MAL: variants seen among roughly 807,000 people sequenced by gnomAD.
MAL encodes myelin and lymphocyte protein.
Under a neutral mutation model 16.7 loss-of-function variants are expected in MAL, and 5 were observed. That is an observed-to-expected ratio of 0.30 (90% CI 0.16 to 0.63). MAL has a LOEUF of 0.63. Ranked by LOEUF, MAL falls within the 30% of genes least tolerant of loss-of-function variation. MAL has a pLI of 0.82. For synonymous variants in MAL, 96 were observed against 85.5 expected, an observed-to-expected ratio of 1.12 and a Z score of -0.67; for missense variants, 202 against 195.8, an observed-to-expected ratio of 1.03 and a Z score of -0.19.
At chr2:95,031,499 A>G (rs949051334) in intron 1 of MAL, among the ~76,000 whole-genome samples, 12 of 152,200 alleles carry the variant, frequency 7.9e-5, no homozygotes, top group Admixed American at 5.9e-4. Context: ...GGACATCTCG[A>G]GGCCAGGCCA....
chr2:95,053,318 T>C, intron 3 of MAL, 63 bp from the exon 4 acceptor site: 1 of 1,136,508 alleles, frequency 8.8e-7, no homozygotes, highest in Non-Finnish European at 1.3e-6. Flanking sequence ...CTGGATGCAG[T>C]GCAGACGCTG....
chr2:95,044,775 C>T (rs1322486907), intron 1 of MAL: 9 of 152,264 alleles, frequency 5.9e-5, no homozygotes, highest in African/African-American at 1.7e-4. Flanking sequence ...CAAGGCCCTC[C>T]GCGCAGCTGC....
intron 1 of MAL, among the ~76,000 whole-genome samples, chr2:95,038,448 C>CTGAGTGAGTGACTGAGTGGG (rs1674316141): frequency 3.5e-5 from 3 of 86,320 alleles, no homozygotes; most frequent in African/African-American, 9.3e-5. Context: ...GAGTGAGTGA[C>CTGAGTGAGTGACTGAGTGGG]TGAGTGAGTG....
Position 95,036,428 on chromosome 2 carries a change from A to G in MAL, c.93+10543A>G, listed in dbSNP as rs574281873. On this transcript the variant is annotated intron_variant, in intron 1 of 3. Coordinates refer to ENST00000309988, the MANE Select transcript of MAL (RefSeq NM_002371.4). ...ACACTGACACTTTCACCAGGCCTGA[A>G]TCCACCCTTGGTGGACCCAGAACTG... Among the ~76,000 whole-genome samples, 13 of 152,308 alleles carry G rather than the reference A, an allele frequency of 8.5e-5. No individual in the cohort carries two copies. In the East Asian group the frequency reaches 2.5e-3, roughly 29 times the overall value.
intron 1 of MAL, among the ~76,000 whole-genome samples, chr2:95,028,304 C>G (rs1673996448): frequency 6.6e-6 from 1 of 151,782 alleles, no homozygotes; most frequent in Non-Finnish European, 1.5e-5. Context: ...GCCTGGGCAA[C>G]AGAGTGAGAC....
At chr2:95,029,964 A>T (rs1674036076) in intron 1 of MAL, among the ~76,000 whole-genome samples, 1 of 152,174 alleles carries the variant, frequency 6.6e-6, no homozygotes, top group South Asian at 2.1e-4. Context: ...ATTATTTTTT[A>T]AATCTGTAGT....
intron 1 of MAL, among the ~76,000 whole-genome samples, chr2:95,027,356 CT>C (rs1231664151): frequency 6.6e-6 from 1 of 152,200 alleles, no homozygotes; most frequent in Non-Finnish European, 1.5e-5. Flanking sequence ...TCCAGCGTGG[CT>C]TTGTGGCCTG....
At chr2:95,028,564 T>C (rs1674005025) in intron 1 of MAL, among the ~76,000 whole-genome samples, 2 of 152,172 alleles carry the variant, frequency 1.3e-5, no homozygotes, top group Non-Finnish European at 2.9e-5. Flanking sequence ...ATTCCACTCC[T>C]GGGTATATAA....
chr2:95,031,616 C>G (rs75667162), intron 1 of MAL, among the ~76,000 whole-genome samples: 1 of 152,306 alleles, frequency 6.6e-6, no homozygotes, highest in African/African-American at 2.4e-5. Flanking sequence ...GACCAGGGAC[C>G]TCCTCTGTTC....
Position 95,048,082 on chromosome 2 carries a change from T to A in MAL, c.217T>A (p.Tyr73Asn). The A allele has an allele frequency of 6.2e-7, 1 of 1,613,752 alleles. No individual in the cohort carries two copies. Among genetic ancestry groups the A allele is most frequent in the Middle Eastern group, 1.7e-4 (1 of 6,058 alleles). ...GGCCACCACCACCTTGATCATCCTG[T>A]ACATAATTGGAGCCCACGGTGGAGA... Reference protein sequence around the residue: ...FVATTTLIILYIIGAHGGETS... With the variant: ...FVATTTLIILNIIGAHGGETS... Residue 73 changes from tyrosine to asparagine, a missense_variant, in exon 2 of 4, where the codon TAC (tyrosine) becomes AAC (asparagine). By Grantham distance (143) the Tyr-to-Asn change is moderately radical. Coordinates refer to ENST00000309988, the MANE Select transcript of MAL (RefSeq NM_002371.4).
rs770848870 is a variant in MAL, at chr2:95,048,123, C to G, written c.258C>G (p.Thr86=). 1 of 1,611,746 alleles carries G rather than the reference C, an allele frequency of 6.2e-7. No homozygotes were observed. Among genetic ancestry groups the G allele is most frequent in the South Asian group, 1.1e-5 (1 of 91,032 alleles). ...GAHGGETSWV[T]LDAAYHCTAA... The stretch of plus-strand genomic sequence containing the variant: ...ACGGTGGAGAGACTTCCTGGGTCAC[C>G]TTGGTGAGTCCAGCCCAGGGTGGCT... The change falls in exon 2 of 4, where the codon ACC becomes ACG. Residue 86 remains threonine, a synonymous_variant. Transcript: ENST00000309988.
At chr2:95,045,554 G>A (rs1298637844) in intron 1 of MAL, among the ~76,000 whole-genome samples, 1 of 152,248 alleles carries the variant, frequency 6.6e-6, no homozygotes, top group Non-Finnish European at 1.5e-5. Flanking sequence ...ACCTGTGTTT[G>A]TGCTGAGTGC....
intron 1 of MAL, among the ~76,000 whole-genome samples, chr2:95,034,052 C>G (rs780668216): frequency 6.6e-6 from 1 of 152,208 alleles, no homozygotes; most frequent in African/African-American, 2.4e-5. Context: ...ACCAACTGGC[C>G]GACCTGTGCC....
At chr2:95,052,228 G>A (rs898914058) in intron 3 of MAL, among the ~76,000 whole-genome samples, 1 of 152,202 alleles carries the variant, frequency 6.6e-6, no homozygotes, top group African/African-American at 2.4e-5. Context: ...GCCAAAATTT[G>A]CCCATTCGTG....
At chr2:95,027,278 C>A (rs1389408520) in intron 1 of MAL, among the ~76,000 whole-genome samples, 3 of 152,144 alleles carry the variant, frequency 2.0e-5, no homozygotes, top group Non-Finnish European at 4.4e-5. Context: ...CCACCCAACC[C>A]GCCAATGCTG....
chr2:95,049,468 G>A (rs958052861), intron 2 of MAL, 113 bp from the exon 3 acceptor site: 4 of 1,358,020 alleles, frequency 2.9e-6, no homozygotes, highest in Non-Finnish European at 2.0e-6. Context: ...GGAGGGGTGG[G>A]ATTCAAAGGA....
intron 1 of MAL, among the ~76,000 whole-genome samples, chr2:95,036,596 G>A (rs2104337667): frequency 6.6e-6 from 1 of 152,372 alleles, no homozygotes; most frequent in Middle Eastern, 3.4e-3. Flanking sequence ...GTCAGCATCT[G>A]TTAAATGCGT....
At chr2:95,039,222 G>T (rs1674368730) in intron 1 of MAL, among the ~76,000 whole-genome samples, 1 of 151,704 alleles carries the variant, frequency 6.6e-6, no homozygotes, top group Non-Finnish European at 1.5e-5. Context: ...GTGAGTGAGT[G>T]AGTGAGTGAC....
At chr2:95,035,881 G>T (rs949940114) in intron 1 of MAL, among the ~76,000 whole-genome samples, 2 of 152,112 alleles carry the variant, frequency 1.3e-5, no homozygotes, top group African/African-American at 4.8e-5. Context: ...GTGTTAGCCA[G>T]GATAGTCTCA....
Sources: gnomAD v4.1 joint callset for allele counts (sites outside exome capture counted in the v4.1 genomes callset) on GRCh38, gnomAD v4.1.1 for gene constraint, MANE v1.5 for transcripts, NCBI Gene and HGNC (gene_info 2026-07-23, HGNC 2026-07-21) for gene names.